The following PRPF8 variants were observed in gnomAD, a reference collection of about 807,000 sequenced individuals.
PRPF8 encodes the protein pre-mRNA-processing-splicing factor 8.
Under a neutral mutation model 285.9 loss-of-function variants are expected in PRPF8, and 64 were observed. That is an observed-to-expected ratio of 0.22 (90% confidence interval 0.18 to 0.28). The LOEUF (loss-of-function observed/expected upper bound fraction) is 0.28. Among genes scored for constraint, PRPF8 ranks in the 10% least tolerant of loss-of-function variants. The pLI is 1.00. For synonymous variants in PRPF8, 1,325 were observed against 1,118.2 expected (o/e 1.18, Z -3.69); for missense variants, 1,426 against 3,026.7 (o/e 0.47, Z 12.41).
Position 1,653,396 on chromosome 17 carries a change from A to C in PRPF8, c.6369+146T>G. ...TTGCTATCTCATGGGGCCAAAACCC[A>C]CCTCGTTGTTTTGGCTATCCTTGTA... On this transcript the variant is annotated intron_variant, in intron 39 of 42. Transcript: ENST00000304992. The surrounding 1 kb of genome is among the most constrained non-coding windows in gnomAD (Gnocchi z 4.9). 8.7e-7 allele frequency: 1 copy of C among 1,150,700 alleles called. No homozygotes were observed. The highest frequency in any genetic ancestry group is 2.5e-5 in the East Asian group (1 of 39,944). 71.3% of individuals were successfully genotyped at this position (1,150,700 alleles called of 1,614,324 possible).
Position 1,679,243 on chromosome 17 carries a change from T to G in PRPF8, c.1410-37A>C, listed in dbSNP as rs1597247922. On this transcript the variant is annotated intron_variant, in intron 10 of 42. Coordinates refer to ENST00000304992, the MANE Select transcript of PRPF8 (RefSeq NM_006445.4). This position sits in a 1 kb window ranked among gnomAD's most constrained non-coding sequence, Gnocchi z 4.7. ...ACATGGAGAGTAAGAGTCAGCCTAC[T>G]GATATCTCTGGAACAGAAGTCTGCG... 2 of 1,614,096 alleles carry G rather than the reference T, an allele frequency of 1.2e-6. No individual in the cohort carries two copies. Among genetic ancestry groups the G allele is most frequent in the African/African-American group, 2.7e-5 (2 of 74,940 alleles).
At chr17:1,682,489 C>G (rs924501527) in intron 3 of PRPF8, among the ~76,000 whole-genome samples, 196 bp from the exon 4 acceptor site, 5 of 152,166 alleles carry the variant, frequency 3.3e-5, no homozygotes. Flanking sequence ...TCTTCTTAAA[C>G]GTCATAATCC....
chr17:1,673,536 G>A lies in PRPF8; in HGVS notation c.3478C>T (p.Arg1160Cys), dbSNP rs1567686978. The A allele has an allele frequency of 1.2e-6, 2 of 1,614,094 alleles. No individual in the cohort carries two copies. Among genetic ancestry groups the A allele is most frequent in the East Asian group, 2.2e-5 (1 of 44,886 alleles). Residue 1160 changes from arginine (R) to cysteine (C), a missense_variant, in exon 23 of 43, where the codon CGC becomes TGC. Arg to Cys is a radical substitution (Grantham distance 180). Coordinates refer to ENST00000304992, the MANE Select transcript of PRPF8 (RefSeq NM_006445.4). The surrounding 1 kb of genome is among the most constrained non-coding windows in gnomAD (Gnocchi z 5.5). ...ACTGTAGTCACTGACCGTGGCAAGC[G>A]GTTCTTGATGTCCCAGAATACCGCC... ...GRAVFWDIKN[R>C]LPRSVTTVQW...
chr17:1,666,811 C>G (rs1405780257), intron 24 of PRPF8, among the ~76,000 whole-genome samples: 2 of 152,076 alleles, frequency 1.3e-5, no homozygotes, highest in Non-Finnish European at 2.9e-5. Flanking sequence ...GATAACAGCT[C>G]AAACCCTACT....
chr17:1,653,112 G>C lies in PRPF8; in HGVS notation c.6369+430C>G, dbSNP rs1911173385. ...TGCCACCATGCCTGGCTAATTTTTT[G>C]TATTTTTAGTAGAGACAGGGTTTCA... On this transcript the variant is annotated intron_variant, in intron 39 of 42. Coordinates refer to ENST00000304992, the MANE Select transcript of PRPF8 (RefSeq NM_006445.4). The surrounding 1 kb of genome is among the most constrained non-coding windows in gnomAD (Gnocchi z 4.9). The C allele has an allele frequency of 3.5e-6, 1 of 289,750 alleles. No individual in the cohort carries two copies. Among genetic ancestry groups the C allele is most frequent in the African/African-American group, 2.2e-5 (1 of 45,774 alleles). 17.9% of individuals were successfully genotyped at this position (289,750 alleles called of 1,614,324 possible).
intron 24 of PRPF8, among the ~76,000 whole-genome samples, chr17:1,665,605 A>G (rs548036109): frequency 6.6e-6 from 1 of 152,140 alleles, no homozygotes; most frequent in South Asian, 2.1e-4. Context: ...GCACTTTGGG[A>G]GGACGAGGCA....
At chr17:1,674,710 A>T in intron 20 of PRPF8, 30 bp from the exon 21 acceptor site, 1 of 1,591,062 alleles carries the variant, frequency 6.3e-7, no homozygotes, top group Non-Finnish European at 8.6e-7. Flanking sequence ...ATTCTTAAGA[A>T]TGTGAGCCAT....
chr17:1,670,329 ACACC>A (rs1912236786), intron 24 of PRPF8, among the ~76,000 whole-genome samples: 1 of 152,168 alleles, frequency 6.6e-6, no homozygotes, highest in East Asian at 1.9e-4. Flanking sequence ...GGTGGCACTA[ACACC>A]CACCTAGTCA....
chr17:1,680,516 A>C, intron 8 of PRPF8: 1 of 629,798 alleles, frequency 1.6e-6, no homozygotes, highest in Non-Finnish European at 2.8e-6. Flanking sequence ...AAAGAACCGT[A>C]AAGTCCAAAA....
At chr17:1,668,354 CTTTTTT>C (rs970795981) in intron 24 of PRPF8, among the ~76,000 whole-genome samples, 1,626 of 105,436 alleles carry the variant, frequency 0.015, 13 homozygotes, top group Middle Eastern at 0.027. Context: ...GTCTAGCATT[CTTTTTT>C]TTTTTTTTTT....
At position 1,676,894 on chromosome 17, in the gene PRPF8, T is replaced by C. The variant is rs1022857762; in HGVS notation, c.2181+82A>G. On this transcript the variant is annotated intron_variant, in intron 15 of 42. Transcript: ENST00000304992. The surrounding 1 kb of genome is among the most constrained non-coding windows in gnomAD (Gnocchi z 6.3). Reference sequence around the variant, plus strand: ...GAAAAGAAAAGAGATTGGAGCCAGATAGCCCCCTAATGATTCCCGAAGTGG... The same window carrying C: ...GAAAAGAAAAGAGATTGGAGCCAGACAGCCCCCTAATGATTCCCGAAGTGG... 20 of 1,542,308 alleles carry C rather than the reference T, an allele frequency of 1.3e-5. No homozygotes were observed. The highest frequency in any genetic ancestry group is 9.0e-5 in the East Asian group (4 of 44,558).
chr17:1,655,192 A>C (rs1014685785), intron 37 of PRPF8, among the ~76,000 whole-genome samples, 158 bp downstream of exon 37: 1 of 151,916 alleles, frequency 6.6e-6, no homozygotes, highest in Non-Finnish European at 1.5e-5. Context: ...TCCTGACCTC[A>C]AATGATCTAC....
intron 34 of PRPF8, among the ~76,000 whole-genome samples, chr17:1,657,512 G>A (rs1361880206): frequency 6.6e-6 from 1 of 151,766 alleles, no homozygotes; most frequent in Non-Finnish European, 1.5e-5. Context: ...CGGGCGTGGT[G>A]GCGGGCACCT....
At position 1,658,358 on chromosome 17, in the gene PRPF8, G is replaced by T; in HGVS notation, c.5400C>A (p.Thr1800=). 6.2e-7 allele frequency: 1 copy of T among 1,614,182 alleles called. No homozygotes were observed. Among genetic ancestry groups the T allele is most frequent in the South Asian group, 1.1e-5 (1 of 91,078 alleles). Residue 1800 remains threonine (T), a synonymous_variant, in exon 34 of 43, where the codon ACC becomes ACA. Transcript: ENST00000304992. The surrounding 1 kb of genome is among the most constrained non-coding windows in gnomAD (Gnocchi z 4.1). ...TGAAGATGGCTCCGTTGATGGGCTT[G>T]GTTGTCAAGTTCCCTTCAAAGGTCT... ...IHKTFEGNLT[T]KPINGAIFIF...
In PRPF8 at chr17:1,674,358, T is replaced by C. The variant is rs1043036125; in HGVS notation, c.3299+84A>G. On this transcript the variant is annotated intron_variant, in intron 21 of 42. Transcript: ENST00000304992. ...TTTTAAAGCCCCAACAGCAGTTAAG[T>C]CAACTCAGGTACAATAGCTGATTTC... 2.9e-5 allele frequency: 41 copies of C among 1,394,410 alleles called. No individual in the cohort carries two copies. In the African/African-American group the frequency reaches 3.7e-4, roughly 13 times the overall value. 86.4% of individuals were successfully genotyped at this position (1,394,410 alleles called of 1,614,324 possible). A position where few individuals can be genotyped will look rare whatever the true frequency, so the allele number is the denominator to read the frequency against.
chr17:1,652,052 T>C (rs1911107126), intron 39 of PRPF8: 1 of 577,324 alleles, frequency 1.7e-6, no homozygotes, highest in Non-Finnish European at 3.1e-6. Context: ...TTATTAAGCA[T>C]AGTATTCACA....
At chr17:1,677,376 A>G in intron 14 of PRPF8, 189 bp downstream of exon 14, 2 of 983,344 alleles carry the variant, frequency 2.0e-6, no homozygotes. Context: ...CTGCAAATGC[A>G]TGACTGCCTC....
At chr17:1,681,151 T>A (rs902758897) in intron 6 of PRPF8, 97 bp from the exon 7 acceptor site, 1 of 1,357,344 alleles carries the variant, frequency 7.4e-7, no homozygotes, top group Non-Finnish European at 1.0e-6. Flanking sequence ...TGATCATCGT[T>A]CACTGCAGCC....
rs1911021401 is a variant in PRPF8 at position 1,651,038 on chromosome 17, A to G, written c.6853+70T>C. On this transcript the variant is annotated intron_variant, in intron 42 of 42. Coordinates refer to ENST00000304992, the MANE Select transcript of PRPF8 (RefSeq NM_006445.4). The surrounding 1 kb of genome is among the most constrained non-coding windows in gnomAD (Gnocchi z 5.1). ...GCCACCTCCAAGCCAGCCAGGCCCC[A>G]AGTGCAAAGGGCGATGGCCTCACCT... The G allele has an allele frequency of 6.2e-7, 1 of 1,613,690 alleles. No individual in the cohort carries two copies. The highest frequency in any genetic ancestry group is 1.3e-5 in the African/African-American group (1 of 74,890).
Sources: allele counts gnomAD v4.1 joint callset (sites outside exome capture counted in the v4.1 genomes callset), GRCh38; gene constraint gnomAD v4.1.1; non-coding constraint Gnocchi (gnomAD v3.1); transcripts MANE v1.5; gene names NCBI Gene and HGNC (gene_info 2026-07-23, HGNC 2026-07-21).